The following SLC8A2 variants were observed in gnomAD, a reference collection of about 807,000 sequenced individuals.
SLC8A2 encodes the protein sodium/calcium exchanger 2.
In SLC8A2, 14 loss-of-function variants were observed where a neutral mutation model predicts 70.2. The observed-to-expected ratio is 0.20, with a 90% CI of 0.13 to 0.31. SLC8A2 has a LOEUF of 0.31. SLC8A2 is among the 10% of genes least tolerant of loss of function. The pLI is 1.00. For missense variants in SLC8A2, 779 were observed against 1,320.1 expected (o/e 0.59, Z 6.35); for synonymous variants, 575 against 594.3 (o/e 0.97, Z 0.47).
At chr19:47,457,741 GTTTCT>G (rs1253380388) in intron 2 of SLC8A2, 147 bp from the exon 3 acceptor site, 23 of 410,734 alleles carry the variant, frequency 5.6e-5, no homozygotes, top group Non-Finnish European at 9.3e-5. Flanking sequence ...ATCCCTTTCT[GTTTCT>G]TTTCTTTCTT....
chr19:47,453,697 T>C (rs1967271221), intron 3 of SLC8A2, among the ~76,000 whole-genome samples: 1 of 152,102 alleles, frequency 6.6e-6, no homozygotes, highest in Admixed American at 6.5e-5. Context: ...GCCCAGGAGT[T>C]AAAGACCAGC....
Position 47,439,824 on chromosome 19 carries a change from C to T in SLC8A2, c.1885+1345G>A, listed in dbSNP as rs569519464. On this transcript the variant is annotated intron_variant, in intron 6 of 9. Coordinates refer to ENST00000236877, the MANE Select transcript of SLC8A2 (RefSeq NM_015063.3). ...GATCACAGGTGCCCACCACCATGCC[C>T]GGCTAATTTTTGTATTTTTAGTAGA... is the stretch of plus-strand genomic sequence containing the variant. 1.2e-4 allele frequency among the ~76,000 whole-genome samples: 18 copies of T among 151,956 alleles called. No homozygotes were observed. The South Asian group carries it at 1.2e-3, about 11-fold the overall frequency.
intron 2 of SLC8A2, 23 bp from the exon 3 acceptor site, chr19:47,457,617 C>T (rs780285628): frequency 8.7e-6 from 13 of 1,487,004 alleles, no homozygotes; most frequent in South Asian, 1.4e-5. Flanking sequence ...GGCGTCAGGG[C>T]GAGGCCGGGC....
chr19:47,431,016 G>A (rs1966951112), intron 9 of SLC8A2, among the ~76,000 whole-genome samples: 1 of 151,322 alleles, frequency 6.6e-6, no homozygotes, highest in Non-Finnish European at 1.5e-5. Flanking sequence ...GAGCCACCGC[G>A]CCTAGCTGTA....
intron 7 of SLC8A2, 74 bp from the exon 8 acceptor site, chr19:47,437,635 C>T (rs1453150070): frequency 1.5e-5 from 19 of 1,295,952 alleles, no homozygotes; most frequent in East Asian, 2.3e-5. Context: ...GGTCCTGGGT[C>T]GGGGGCTCAC....
intron 2 of SLC8A2, among the ~76,000 whole-genome samples, chr19:47,460,111 G>A (rs1022550586): frequency 2.0e-5 from 3 of 151,968 alleles, no homozygotes; most frequent in African/African-American, 7.3e-5. Context: ...TCACCCAAAC[G>A]CCCTCAGTGC....
chr19:47,467,388 G>A (rs529074208), intron 1 of SLC8A2, among the ~76,000 whole-genome samples: 88 of 152,312 alleles, frequency 5.8e-4, no homozygotes, highest in Admixed American at 1.9e-3. Context: ...CAGGATTTGG[G>A]CTGTGGCGGG....
chr19:47,452,524 C>T (rs1169120988), intron 3 of SLC8A2, among the ~76,000 whole-genome samples: 4 of 148,294 alleles, frequency 2.7e-5, no homozygotes, highest in Admixed American at 2.0e-4. Context: ...AATGCAGTGG[C>T]GCGATCTTGG....
In SLC8A2 at chr19:47,471,826, G is replaced by A. The variant is rs1967545189; in HGVS notation, c.-54C>T. On this transcript the variant is annotated 5_prime_UTR_variant, in exon 1 of 10. Coordinates refer to ENST00000236877, the MANE Select transcript of SLC8A2 (RefSeq NM_015063.3). The stretch of plus-strand genomic sequence containing the variant: ...CCTGGAGCAGGTCCCCCCAGCGCTG[G>A]GCTGGCAGTGGTGGGCGACTCCGCC... 6.6e-6 allele frequency: 1 copy of A among 151,898 alleles called. No homozygotes were observed. The highest frequency in any genetic ancestry group is 6.6e-5 in the Admixed American group (1 of 15,234). The allele number at this position is 151,898 out of a possible 1,614,324, so 9.4% of individuals were successfully genotyped here. A position where few individuals can be genotyped will look rare whatever the true frequency, so the allele number is the denominator to read the frequency against.
chr19:47,463,418 C>A (rs1967421063), intron 2 of SLC8A2, among the ~76,000 whole-genome samples: 1 of 148,210 alleles, frequency 6.7e-6, no homozygotes, highest in Non-Finnish European at 1.5e-5. Context: ...CAGGCGTGAG[C>A]CACAGCACCC....
intron 3 of SLC8A2, among the ~76,000 whole-genome samples, chr19:47,452,431 AGAGAGAGAGAGAGAGTGTGT>A (rs1280007475): frequency 9.0e-4 from 95 of 105,520 alleles, no homozygotes; most frequent in East Asian, 4.1e-3. Context: ...AGAGAGAGAG[AGAGAGAGAGAGAGAGTGTGT>A]GTGTGTGTGT....
intron 8 of SLC8A2, 76 bp downstream of exon 8, chr19:47,437,386 C>G: frequency 9.4e-7 from 1 of 1,059,572 alleles, no homozygotes; most frequent in Non-Finnish European, 1.5e-6. Flanking sequence ...GCCTGTCTCT[C>G]CATTCATTTC....
At chr19:47,459,486 C>T (rs962872900) in intron 2 of SLC8A2, among the ~76,000 whole-genome samples, 2 of 149,614 alleles carry the variant, frequency 1.3e-5, no homozygotes, top group South Asian at 2.1e-4. Flanking sequence ...CTCTCCCTCC[C>T]TCTCTCTCTT....
intron 2 of SLC8A2, among the ~76,000 whole-genome samples, chr19:47,462,255 T>C (rs1011638517): frequency 2.6e-5 from 4 of 151,288 alleles, no homozygotes; most frequent in African/African-American, 9.8e-5. Context: ...TCTTTTTCTT[T>C]TTCTTTCTTT....
Position 47,448,113 on chromosome 19 carries a change from C to T in SLC8A2, c.1459G>A (p.Val487Met). 1 of 1,611,282 alleles carries T rather than the reference C, an allele frequency of 6.2e-7. No homozygotes were observed. The highest frequency in any genetic ancestry group is 8.5e-7 in the Non-Finnish European group (1 of 1,179,082). The stretch of plus-strand genomic sequence containing the variant: ...TCGAACATGCCCTGCGCGTCGCCCA[C>T]GCGCAGGTTCAGCAGCCGCACGAAG... Reference protein sequence around the residue: ...HFFVRLLNLRVGDAQGMFEPD... With the variant: ...HFFVRLLNLRMGDAQGMFEPD... Residue 487 changes from valine to methionine, a missense_variant, in exon 4 of 10, where the codon GTG (valine) becomes ATG (methionine). Around this residue, in one of 6 missense-constraint regions of SLC8A2, gnomAD observed 247 missense variants for 362.8 expected, o/e 0.68. Coordinates refer to ENST00000236877, the MANE Select transcript of SLC8A2 (RefSeq NM_015063.3). The surrounding 1 kb of genome is among the most constrained non-coding windows in gnomAD (Gnocchi z 4.8).
chr19:47,464,754 C>T (rs1599860147), intron 2 of SLC8A2, among the ~76,000 whole-genome samples: 1 of 152,172 alleles, frequency 6.6e-6, no homozygotes. Flanking sequence ...TGGACACCTG[C>T]AAATAAATTA....
chr19:47,430,605 A>C lies in SLC8A2; in HGVS notation c.2390-140T>G. The C allele has an allele frequency of 1.1e-6, 1 of 882,970 alleles. No individual in the cohort carries two copies. Among genetic ancestry groups the C allele is most frequent in the Non-Finnish European group, 1.7e-6 (1 of 596,602 alleles). The allele number at this position is 882,970 out of a possible 1,614,324, so 54.7% of individuals were successfully genotyped here. On this transcript the variant is annotated intron_variant, in intron 9 of 9. Transcript: ENST00000236877. This position sits in a 1 kb window ranked among gnomAD's most constrained non-coding sequence, Gnocchi z 5.9. ...GGCTCAAGACCCCTGACCCCCACCC[A>C]AGAGGCAAAGTCCATCACCACCTTT...
intron 3 of SLC8A2, among the ~76,000 whole-genome samples, chr19:47,454,127 T>C (rs1392451425): frequency 6.6e-6 from 1 of 151,914 alleles, no homozygotes; most frequent in African/African-American, 2.4e-5. Flanking sequence ...GTCTGGGTGA[T>C]AGAGCAAGAC....
chr19:47,440,308 A>G (rs1967085405), intron 6 of SLC8A2, among the ~76,000 whole-genome samples: 1 of 152,118 alleles, frequency 6.6e-6, no homozygotes, highest in Non-Finnish European at 1.5e-5. Flanking sequence ...TCACCTTAAC[A>G]TGGTCCTAAC....
Sources: gnomAD v4.1 joint callset for allele counts (sites outside exome capture counted in the v4.1 genomes callset) on GRCh38, gnomAD v4.1.1 for gene constraint, gnomAD v4.1.1 regional missense constraint, Gnocchi (gnomAD v3.1) non-coding constraint, MANE v1.5 for transcripts, NCBI Gene and HGNC (gene_info 2026-07-23, HGNC 2026-07-21) for gene names.